Variants in STAB2 observed in about 807,000 individuals in gnomAD.
The protein encoded by STAB2 is stabilin 2.
A neutral mutation model predicts 338.1 loss-of-function variants in STAB2; 288 were observed. That is an observed-to-expected ratio of 0.85 (90% confidence interval 0.77 to 0.94). The LOEUF is 0.94. Among genes scored for constraint, STAB2 ranks in the 40% least tolerant of loss-of-function variants. The pLI is 0.00. For synonymous variants in STAB2, 1,202 were observed against 1,193.3 expected (o/e 1.01, Z -0.15); for missense variants, 3,141 against 3,210.1 (o/e 0.98, Z 0.52).
chr12:103,638,248 A>T (rs1205588595), intron 8 of STAB2, 36 bp downstream of exon 8: 1 of 1,552,936 alleles, frequency 6.4e-7, no homozygotes, highest in Admixed American at 1.9e-5. Context: ...TGTATCTAGA[A>T]GTTTGACAAG....
At chr12:103,651,313 G>GA (rs1873723759) in intron 11 of STAB2, among the ~76,000 whole-genome samples, 6 of 87,812 alleles carry the variant, frequency 6.8e-5, no homozygotes, top group African/African-American at 2.2e-4. Context: ...TCCTGATCTT[G>GA]ATTTTTTTTT....
At position 103,706,993 on chromosome 12, in the gene STAB2, C is replaced by T; in HGVS notation, c.4192+6C>T. On this transcript the variant is annotated splice_donor_region_variant and intron_variant, in intron 38 of 68. Transcript: ENST00000388887. ...CGGCATCCACTGTGACCAAGGTGAG[C>T]ACCGTCCTCTCCACAGAGGATCTTG... 1.2e-6 allele frequency: 2 copies of T among 1,613,778 alleles called. No individual in the cohort carries two copies. Among genetic ancestry groups the T allele is most frequent in the Non-Finnish European group, 1.7e-6 (2 of 1,179,882 alleles).
At chr12:103,697,625 T>A (rs1315975912) in intron 33 of STAB2, among the ~76,000 whole-genome samples, 1 of 152,228 alleles carries the variant, frequency 6.6e-6, no homozygotes, top group Non-Finnish European at 1.5e-5. Flanking sequence ...CAGCAGAGCT[T>A]GGTGCAGAAA....
intron 19 of STAB2, among the ~76,000 whole-genome samples, chr12:103,667,986 AGT>A (rs1251233377): frequency 6.6e-6 from 1 of 152,216 alleles, no homozygotes; most frequent in Non-Finnish European, 1.5e-5. Context: ...ACTTACTATC[AGT>A]GTTTCTTGGA....
rs189516103 is a variant in STAB2, at chr12:103,693,949, G to A, written c.3375+1060G>A. Among the ~76,000 whole-genome samples the A allele has an allele frequency of 4.7e-3, 707 of 150,954 alleles. 1 individual carries two copies. The highest frequency in any genetic ancestry group is 7.0e-3 in the Non-Finnish European group (476 of 67,822). ...GGGCGGATCACAAGGTCAAGAGATCGAAACCATCCTGGCCAACATGGTGAA... is the reference window on the plus strand; with the variant it reads ...GGGCGGATCACAAGGTCAAGAGATCAAAACCATCCTGGCCAACATGGTGAA... On this transcript the variant is annotated intron_variant, in intron 31 of 68. Coordinates refer to ENST00000388887, the MANE Select transcript of STAB2 (RefSeq NM_017564.10).
chr12:103,652,079 CA>C (rs1343170648), intron 11 of STAB2, among the ~76,000 whole-genome samples: 25 of 152,194 alleles, frequency 1.6e-4, no homozygotes, highest in Admixed American at 1.6e-3. Context: ...GTAGTAATGA[CA>C]AAAGTAGATT....
Position 103,735,593 on chromosome 12 carries a change from A to G in STAB2, c.5550+13A>G. The G allele has an allele frequency of 1.8e-6, 1 of 551,032 alleles. No homozygotes were observed. The highest frequency in any genetic ancestry group is 2.1e-5 in the Admixed American group (1 of 48,184). 34.1% of individuals were successfully genotyped at this position (551,032 alleles called of 1,614,324 possible). ...TGGCAGGGACATCGTGAGTATCATC[A>G]TGAAGGGTGGGCAGGGAGGGGTTAA... is the stretch of plus-strand genomic sequence containing the variant. On this transcript the variant is annotated intron_variant, in intron 52 of 68. Transcript: ENST00000388887.
At chr12:103,654,941 C>T in intron 13 of STAB2, 1 of 545,496 alleles carries the variant, frequency 1.8e-6, no homozygotes, top group Non-Finnish European at 3.1e-6. Context: ...TCTTTTATTA[C>T]TGCATCAGGC....
chr12:103,645,766 A>C (rs1473089781), intron 9 of STAB2, among the ~76,000 whole-genome samples: 1 of 152,180 alleles, frequency 6.6e-6, no homozygotes, highest in East Asian at 1.9e-4. Context: ...CCTCAGCTCT[A>C]CTGACATTTT....
chr12:103,744,640 TTTG>T (rs1338705415), intron 56 of STAB2, among the ~76,000 whole-genome samples: 12 of 151,428 alleles, frequency 7.9e-5, no homozygotes, highest in East Asian at 5.9e-4. Context: ...CTAATTTTTG[TTTG>T]TTGTTGTTGT....
At chr12:103,692,111 G>T (rs1877986081) in intron 30 of STAB2, among the ~76,000 whole-genome samples, 1 of 152,206 alleles carries the variant, frequency 6.6e-6, no homozygotes, top group African/African-American at 2.4e-5. Context: ...AGAAGTCCAA[G>T]ATCAAGATGT....
intron 31 of STAB2, among the ~76,000 whole-genome samples, chr12:103,694,199 C>T (rs146976624): frequency 3.1e-3 from 470 of 152,240 alleles, no homozygotes; most frequent in African/African-American, 0.011. Context: ...CCATGCTGTG[C>T]ACCCCTGTTT....
chr12:103,686,147 A>G (rs1007075333), intron 27 of STAB2, among the ~76,000 whole-genome samples: 6 of 151,718 alleles, frequency 4.0e-5, no homozygotes, highest in Non-Finnish European at 1.5e-5. Flanking sequence ...TTTTTATTCA[A>G]CTCCCTGCTG....
chr12:103,630,268 A>G (rs1459124037), intron 5 of STAB2, among the ~76,000 whole-genome samples: 1 of 152,216 alleles, frequency 6.6e-6, no homozygotes, highest in African/African-American at 2.4e-5. Context: ...TCAAGGTGGG[A>G]GACAGAGACA....
chr12:103,669,350 A>T (rs1284813567), intron 20 of STAB2, 191 bp from the exon 21 acceptor site: 4 of 584,558 alleles, frequency 6.8e-6, no homozygotes, highest in African/African-American at 1.9e-5. Flanking sequence ...CACCCAGGGG[A>T]GGGGCTCAGT....
chr12:103,762,123 T>C, intron 66 of STAB2, 151 bp from the exon 67 acceptor site: 1 of 1,017,232 alleles, frequency 9.8e-7, no homozygotes. Flanking sequence ...CAGAAGGGTA[T>C]TAGACCCTGG....
At chr12:103,656,790 C>T (rs1176180275) in intron 15 of STAB2, among the ~76,000 whole-genome samples, 1 of 150,702 alleles carries the variant, frequency 6.6e-6, no homozygotes, top group African/African-American at 2.4e-5. Flanking sequence ...GGGTTCACGC[C>T]ATTCTCCTGC....
chr12:103,692,741 C>G (rs562574293), intron 30 of STAB2, 71 bp from the exon 31 acceptor site: 54 of 1,322,066 alleles, frequency 4.1e-5, no homozygotes, highest in Non-Finnish European at 5.5e-5. Flanking sequence ...AAGCAGAAAC[C>G]CCAGAGATCA....
rs1884346609 is a variant in STAB2, at chr12:103,759,061, A to G, written c.7108-72A>G. 4 of 1,611,820 alleles carry G rather than the reference A, an allele frequency of 2.5e-6. No individual in the cohort carries two copies. The Admixed American group carries it at 5.0e-5, about 20-fold the overall frequency. ...GCCATGAGAAGCAATTTTCTTCGTC[A>G]TCCCCATCATTAAAAAGACAAAATA... is the stretch of plus-strand genomic sequence containing the variant. On this transcript the variant is annotated intron_variant, in intron 64 of 68. Transcript: ENST00000388887.
Sources: gnomAD v4.1 joint callset for allele counts (sites outside exome capture counted in the v4.1 genomes callset) on GRCh38, gnomAD v4.1.1 for gene constraint, MANE v1.5 for transcripts, NCBI Gene and HGNC (gene_info 2026-07-23, HGNC 2026-07-21) for gene names.